CCDC136: variants seen among roughly 807,000 people sequenced by gnomAD.
CCDC136 encodes the protein coiled-coil domain-containing protein 136.
CCDC136 carries 100 observed loss-of-function variants against 141.2 expected under a neutral mutation model. That is an observed-to-expected ratio of 0.71 (90% CI 0.60 to 0.84). CCDC136 has a LOEUF of 0.84. Among genes scored for constraint, CCDC136 ranks in the 40% least tolerant of loss-of-function variants. CCDC136 has a pLI of 0.00. For synonymous variants in CCDC136, 474 were observed against 531.9 expected (o/e 0.89, Z 1.50); for missense variants, 1,206 against 1,379.4 (o/e 0.87, Z 1.99).
intron 1 of CCDC136, 91 bp downstream of exon 1, chr7:128,792,518 G>C: frequency 2.1e-6 from 2 of 960,238 alleles, no homozygotes; most frequent in Non-Finnish European, 3.1e-6. Flanking sequence ...CTCTGAGCCA[G>C]GACACAGCCC....
chr7:128,793,975 G>A (rs571194889), intron 1 of CCDC136, among the ~76,000 whole-genome samples: 22 of 152,238 alleles, frequency 1.4e-4, no homozygotes, highest in Non-Finnish European at 2.6e-4. Flanking sequence ...CCATTTGACC[G>A]AAAGATCCGC....
Position 128,794,900 on chromosome 7 carries a change from T to G in CCDC136, c.346+132T>G. 1.4e-6 allele frequency: 1 copy of G among 696,782 alleles called. No individual in the cohort carries two copies. Among genetic ancestry groups the G allele is most frequent in the Non-Finnish European group, 2.5e-6 (1 of 398,354 alleles). 43.2% of individuals were successfully genotyped at this position (696,782 alleles called of 1,614,324 possible). The stretch of plus-strand genomic sequence containing the variant: ...TCAGTAATTTCACCTCATTTTCCTC[T>G]ACTAGTCTCACCCTTTTCCTCTCCT... On this transcript the variant is annotated intron_variant, in intron 3 of 17. Transcript: ENST00000297788. The surrounding 1 kb of genome is among the most constrained non-coding windows in gnomAD (Gnocchi z 4.3).
In CCDC136 at chr7:128,792,285, C is replaced by T. The variant is rs1397261671; in HGVS notation, c.-127C>T. The T allele has an allele frequency of 1.3e-6, 2 of 1,547,870 alleles. No homozygotes were observed. The highest frequency in any genetic ancestry group is 1.7e-6 in the Non-Finnish European group (2 of 1,144,124). On this transcript the variant is annotated 5_prime_UTR_variant, in exon 1 of 18. Coordinates refer to ENST00000297788, the MANE Select transcript of CCDC136 (RefSeq NM_022742.5). ...TGCACCCCAGCCCGCAGCCAGCCCC[C>T]CACCCCCCAGCCCCTCCTTTCTCCC... is the stretch of plus-strand genomic sequence containing the variant.
At chr7:128,819,495 G>C (rs1418765804) in intron 17 of CCDC136, among the ~76,000 whole-genome samples, 1 of 152,126 alleles carries the variant, frequency 6.6e-6, no homozygotes, top group Non-Finnish European at 1.5e-5. Flanking sequence ...GGACCAGATG[G>C]GTTGAAGTAG....
At chr7:128,791,482 G>A, upstream of CCDC136, 1 of 1,322,316 alleles carries the variant, frequency 7.6e-7, no homozygotes, top group South Asian at 2.1e-5. The surrounding 1 kb of genome is among the most constrained non-coding windows in gnomAD (Gnocchi z 7.1). Flanking sequence ...GAAGGCGGCG[G>A]CGGGAGCGGT....
At chr7:128,815,982 G>A in intron 16 of CCDC136, 51 bp downstream of exon 16, 1 of 1,542,198 alleles carries the variant, frequency 6.5e-7, no homozygotes, top group South Asian at 1.3e-5. Context: ...CTTGGGCTCA[G>A]ATAACTCCGA....
rs538021403 is a variant in CCDC136, at chr7:128,815,481, C to T, written c.3046-133C>T. ...TGCTCAGGGGATTGGCTCACAGTCCCAGAGCACCGGGCCACACCCTTGCAC... is the reference window on the plus strand; with the variant it reads ...TGCTCAGGGGATTGGCTCACAGTCCTAGAGCACCGGGCCACACCCTTGCAC... On this transcript the variant is annotated intron_variant, in intron 15 of 17. Transcript: ENST00000297788. The T allele has an allele frequency of 3.9e-6, 4 of 1,017,830 alleles. No individual in the cohort carries two copies. In the East Asian group the frequency reaches 1.0e-4, roughly 27 times the overall value. The allele number at this position is 1,017,830 out of a possible 1,614,324, so 63.0% of individuals were successfully genotyped here. A position where few individuals can be genotyped will look rare whatever the true frequency, so the allele number is the denominator to read the frequency against.
upstream of CCDC136, chr7:128,790,810 AGG>A (rs1313941036): frequency 1.3e-5 from 2 of 151,370 alleles, no homozygotes; most frequent in Non-Finnish European, 2.9e-5. The surrounding 1 kb of genome is among the most constrained non-coding windows in gnomAD (Gnocchi z 5.4). Context: ...TCCTCCTAAG[AGG>A]GTCCTTGGCC....
intron 10 of CCDC136, chr7:128,809,103 G>T: frequency 1.3e-5 from 5 of 398,522 alleles, no homozygotes; most frequent in Non-Finnish European, 1.8e-5. Flanking sequence ...TCCCAACAGG[G>T]TGGGAATATG....
rs1411253418 is a variant in CCDC136, at chr7:128,801,278, C to T, written c.439C>T (p.Gln147Ter). 6.2e-7 allele frequency: 1 copy of T among 1,613,878 alleles called. No individual in the cohort carries two copies. Among genetic ancestry groups the T allele is most frequent in the Non-Finnish European group, 8.5e-7 (1 of 1,179,854 alleles). The change falls in exon 4 of 18, where the codon CAG (glutamine) becomes TAG (stop). Residue 147 changes from glutamine to a stop codon, truncating the protein, a stop_gained. Transcript: ENST00000297788. LOFTEE classifies it high-confidence loss of function. Reference sequence around the variant, plus strand: ...AATAGAACAGGAATTGCATTTGGCCCAGGCTGAGATCCAGAGTCTGCGGCA... The same window carrying T: ...AATAGAACAGGAATTGCATTTGGCCTAGGCTGAGATCCAGAGTCTGCGGCA... ...KEIEQELHLA[Q>*]AEIQSLRQAA...
intron 3 of CCDC136, among the ~76,000 whole-genome samples, chr7:128,795,338 A>G (rs149631904): frequency 1.3e-5 from 2 of 152,250 alleles, no homozygotes; most frequent in East Asian, 1.9e-4. Flanking sequence ...GCAGCAAGGC[A>G]GATGCCCCAC....
At chr7:128,809,075 A>C in intron 10 of CCDC136, 2 of 628,018 alleles carry the variant, frequency 3.2e-6, no homozygotes, top group Non-Finnish European at 4.0e-6. Context: ...GTTAATGAGA[A>C]TAACAGGAGC....
At position 128,792,443 on chromosome 7, in the gene CCDC136, A is replaced by G. The variant is rs759480469; in HGVS notation, c.16+16A>G. 57 of 1,593,808 alleles carry G rather than the reference A, an allele frequency of 3.6e-5. 1 individual carries two copies. In the South Asian group the frequency reaches 5.0e-4, roughly 14 times the overall value. Reference sequence around the variant, plus strand: ...GCTATGGAGGGTGAGTTTTCCCAAAAGGCTTCTTTCTTTCCCCTCCCCTCC... The same window carrying G: ...GCTATGGAGGGTGAGTTTTCCCAAAGGGCTTCTTTCTTTCCCCTCCCCTCC... On this transcript the variant is annotated intron_variant, in intron 1 of 17. Coordinates refer to ENST00000297788, the MANE Select transcript of CCDC136 (RefSeq NM_022742.5).
At position 128,804,647 on chromosome 7, in the gene CCDC136, C is replaced by T. The variant is rs1417025104; in HGVS notation, c.671-3C>T. ...CTCATCTCTCTCTGCCTGTCCTCTGCAGAAGAACTGCAGGAGCTGCGGGAA... is the reference window on the plus strand; with the variant it reads ...CTCATCTCTCTCTGCCTGTCCTCTGTAGAAGAACTGCAGGAGCTGCGGGAA... On this transcript the variant is annotated splice_region_variant and splice_polypyrimidine_tract_variant and intron_variant, in intron 4 of 17. Transcript: ENST00000297788. 7 of 1,549,318 alleles carry T rather than the reference C, an allele frequency of 4.5e-6. No individual in the cohort carries two copies. Among genetic ancestry groups the T allele is most frequent in the Non-Finnish European group, 6.1e-6 (7 of 1,141,582 alleles).
At position 128,809,438 on chromosome 7, in the gene CCDC136, C is replaced by A; in HGVS notation, c.1606-12C>A. Reference sequence around the variant, plus strand: ...GAGTAACCACCCCCTCCACACCCGCCCCCACCCACAGTGTGACACACTGCT... The same window carrying A: ...GAGTAACCACCCCCTCCACACCCGCACCCACCCACAGTGTGACACACTGCT... On this transcript the variant is annotated splice_polypyrimidine_tract_variant and intron_variant, in intron 10 of 17. Transcript: ENST00000297788. 6.7e-7 allele frequency: 1 copy of A among 1,501,356 alleles called. No individual in the cohort carries two copies. The highest frequency in any genetic ancestry group is 9.0e-7 in the Non-Finnish European group (1 of 1,106,124). The allele number at this position is 1,501,356 out of a possible 1,614,324, so 93.0% of individuals were successfully genotyped here. A position where few individuals can be genotyped will look rare whatever the true frequency, so the allele number is the denominator to read the frequency against.
At chr7:128,795,543 G>GCA in intron 3 of CCDC136, among the ~76,000 whole-genome samples, 1 of 152,078 alleles carries the variant, frequency 6.6e-6, no homozygotes, top group African/African-American at 2.4e-5. Flanking sequence ...GGTGTAAGTG[G>GCA]GGAGGAGAGG....
intron 10 of CCDC136, 33 bp from the exon 11 acceptor site, chr7:128,809,417 A>G (rs766207664): frequency 4.9e-6 from 7 of 1,420,248 alleles, no homozygotes; most frequent in Non-Finnish European, 6.8e-6. Context: ...CTTACAGAGT[A>G]ACCACCCCCT....
chr7:128,814,677 C>T lies in CCDC136; in HGVS notation c.2803C>T (p.Gln935Ter). The change falls in exon 15 of 18, where the codon CAA becomes TAA. Residue 935 changes from glutamine (Q) to a stop codon, truncating the protein, a stop_gained. Transcript: ENST00000297788. LOFTEE classifies it high-confidence loss of function. ...GACCAAGCTGCGGGAGCTGCAGCTG[C>T]AATACCAGGCTAGCATGGATGAGCA... ...LQTKLRELQLQYQASMDEQGR... is the reference protein window; with the variant it reads ...LQTKLRELQL The T allele has an allele frequency of 6.3e-7, 1 of 1,599,764 alleles. No homozygotes were observed.
chr7:128,815,772 T>C lies in CCDC136; in HGVS notation c.3204T>C (p.Asp1068=), dbSNP rs1477900319. The change falls in exon 16 of 18, where the codon GAT becomes GAC. Residue 1068 remains aspartate, a synonymous_variant. Transcript: ENST00000297788. ...ATGAGCTAGTTGCTGAGCCAGCAGA[T>C]CCTGAGGAAGCTAAATCCACAGAAG... ...CGDELVAEPA[D]PEEAKSTEDQ... 6.3e-7 allele frequency: 1 copy of C among 1,576,686 alleles called. No individual in the cohort carries two copies. The highest frequency in any genetic ancestry group is 1.9e-5 in the Admixed American group (1 of 53,556).
Sources: gnomAD v4.1 joint callset for allele counts (sites outside exome capture counted in the v4.1 genomes callset) on GRCh38, gnomAD v4.1.1 for gene constraint, Gnocchi (gnomAD v3.1) non-coding constraint, MANE v1.5 for transcripts, NCBI Gene and HGNC (gene_info 2026-07-23, HGNC 2026-07-21) for gene names.